The following COG6 variants were observed in gnomAD, a reference collection of about 807,000 sequenced individuals.
The protein encoded by COG6 is conserved oligomeric Golgi complex subunit 6.
A neutral mutation model predicts 88.8 loss-of-function variants in COG6; 74 were observed. The observed-to-expected ratio is 0.83, with a 90% CI of 0.69 to 1.01. The LOEUF (loss-of-function observed/expected upper bound fraction) is 1.01, where lower values mean the gene tolerates loss of function less well. Ranked by LOEUF, COG6 falls within the 50% of genes least tolerant of loss-of-function variation. COG6 has a pLI of 0.00. For missense variants in COG6, 800 were observed against 797.9 expected, an observed-to-expected ratio of 1.00 and a Z score of -0.03; for synonymous variants, 286 against 278.7, an observed-to-expected ratio of 1.03 and a Z score of -0.26.
At chr13:39,672,416 A>G (rs1875705640) in intron 4 of COG6, among the ~76,000 whole-genome samples, 2 of 152,018 alleles carry the variant, frequency 1.3e-5, no homozygotes, top group Admixed American at 6.6e-5. Flanking sequence ...ACTCCTGACC[A>G]TTAGTAGTTA....
chr13:39,727,618 G>GA (rs1192342974), intron 18 of COG6, 70 bp downstream of exon 18: 8 of 1,123,982 alleles, frequency 7.1e-6, no homozygotes, highest in Non-Finnish European at 8.2e-6. Context: ...CATTTTTTTG[G>GA]AAAAAAATTT....
At position 39,660,705 on chromosome 13, in the gene COG6, C is replaced by CA. The variant is rs1294865876; in HGVS notation, c.298-98dup. 7.7e-6 allele frequency: 6 copies of CA among 782,668 alleles called. No homozygotes were observed. In the Admixed American group the frequency reaches 8.3e-5, roughly 11 times the overall value. The allele number at this position is 782,668 out of a possible 1,614,324, so 48.5% of individuals were successfully genotyped here. ...ATGGGATCTCTTGTCATGCCTTGAC[C>CA]AAAAAAATAAAAAATTATGTAACTA... On this transcript the variant is annotated intron_variant, in intron 2 of 18. Coordinates refer to ENST00000455146, the MANE Select transcript of COG6 (RefSeq NM_020751.3).
intron 18 of COG6, among the ~76,000 whole-genome samples, chr13:39,758,093 G>C (rs1483140397): frequency 6.6e-6 from 1 of 151,824 alleles, no homozygotes; most frequent in African/African-American, 2.4e-5. Flanking sequence ...GGTGGCGGAT[G>C]CCTGTAGTCC....
chr13:39,725,093 A>G (rs902187227), intron 17 of COG6, among the ~76,000 whole-genome samples: 5 of 151,804 alleles, frequency 3.3e-5, no homozygotes, highest in Non-Finnish European at 7.4e-5. Context: ...TGTGTCTTAA[A>G]TACATATACT....
At chr13:39,711,413 T>C (rs1397308421) in intron 13 of COG6, among the ~76,000 whole-genome samples, 1 of 152,166 alleles carries the variant, frequency 6.6e-6, no homozygotes, top group Admixed American at 6.5e-5. Flanking sequence ...CAAGTAAAAA[T>C]ATCACCTATG....
chr13:39,762,963 T>C (rs995826070), intron 18 of COG6, among the ~76,000 whole-genome samples: 1 of 151,852 alleles, frequency 6.6e-6, no homozygotes, highest in African/African-American at 2.4e-5. Flanking sequence ...GAGGAAGTTA[T>C]TTTGTATTCT....
At chr13:39,659,098 T>C (rs1874720621) in intron 1 of COG6, among the ~76,000 whole-genome samples, 2 of 152,166 alleles carry the variant, frequency 1.3e-5, no homozygotes, top group Admixed American at 1.3e-4. Context: ...CCCTTTTAGA[T>C]GGACATTTAT....
intron 4 of COG6, among the ~76,000 whole-genome samples, chr13:39,670,625 A>G (rs937267698): frequency 6.6e-6 from 1 of 152,060 alleles, no homozygotes; most frequent in African/African-American, 2.4e-5. Context: ...AAGACACTGC[A>G]TGGCATACAT....
downstream of COG6, among the ~76,000 whole-genome samples, chr13:39,754,862 A>T (rs528080027): frequency 9.8e-5 from 15 of 152,338 alleles, 1 homozygote; most frequent in South Asian, 3.1e-3. Flanking sequence ...GCAAGAAGAA[A>T]AAATGAACTA....
chr13:39,762,761 G>GTTT (rs199547975), intron 18 of COG6, among the ~76,000 whole-genome samples: 3 of 139,184 alleles, frequency 2.2e-5, no homozygotes, highest in South Asian at 2.3e-4. Context: ...CAAAATAAGA[G>GTTT]TTTTTTTTTT....
intron 18 of COG6, among the ~76,000 whole-genome samples, chr13:39,771,653 T>C (rs748654211): frequency 2.0e-5 from 3 of 152,248 alleles, no homozygotes; most frequent in Non-Finnish European, 4.4e-5. Context: ...AGGAAGATAA[T>C]ACAAATATAT....
chr13:39,778,555 C>T (rs1374782055), intron 18 of COG6, among the ~76,000 whole-genome samples: 3 of 152,066 alleles, frequency 2.0e-5, no homozygotes, highest in Non-Finnish European at 2.9e-5. Flanking sequence ...TGCCTTCAGA[C>T]CCCCCTGGAT....
intron 8 of COG6, among the ~76,000 whole-genome samples, chr13:39,686,804 A>G (rs1876670009): frequency 6.6e-6 from 1 of 152,150 alleles, no homozygotes; most frequent in South Asian, 2.1e-4. Flanking sequence ...GTCACTGCTA[A>G]CTGCAGCCTG....
chr13:39,770,640 TG>T (rs1881294081), intron 18 of COG6, among the ~76,000 whole-genome samples: 1 of 152,224 alleles, frequency 6.6e-6, no homozygotes, highest in African/African-American at 2.4e-5. Context: ...TTAATCCATT[TG>T]ATTAAAAAGA....
At chr13:39,672,103 CTTT>C (rs1875682638) in intron 4 of COG6, among the ~76,000 whole-genome samples, 1 of 151,892 alleles carries the variant, frequency 6.6e-6, no homozygotes, top group African/African-American at 2.4e-5. Flanking sequence ...GAGACTCTTA[CTTT>C]ATAAGAGTAA....
At chr13:39,736,721 C>T (rs1879768329) in intron 18 of COG6, among the ~76,000 whole-genome samples, 1 of 152,112 alleles carries the variant, frequency 6.6e-6, no homozygotes, top group Admixed American at 6.6e-5. Context: ...TTCTGAATTT[C>T]TTCTTTGTGT....
At chr13:39,721,243 G>C (rs114651078) in intron 15 of COG6, among the ~76,000 whole-genome samples, 3 of 151,892 alleles carry the variant, frequency 2.0e-5, no homozygotes, top group Non-Finnish European at 4.4e-5. Context: ...TTTTACGCAT[G>C]GTAAAAATTC....
intron 13 of COG6, among the ~76,000 whole-genome samples, chr13:39,714,611 G>GAA (rs200122953): frequency 2.7e-5 from 4 of 146,226 alleles, no homozygotes; most frequent in African/African-American, 1.0e-4. Flanking sequence ...ATTAAAAAGT[G>GAA]AAAAAAAAAA....
intron 18 of COG6, among the ~76,000 whole-genome samples, chr13:39,729,516 A>ATAT (rs1879321658): frequency 6.6e-6 from 1 of 152,236 alleles, no homozygotes; most frequent in Non-Finnish European, 1.5e-5. Context: ...TATTCTTAAT[A>ATAT]TATTATCCTT....
Sources: allele counts gnomAD v4.1 joint callset (sites outside exome capture counted in the v4.1 genomes callset), GRCh38; gene constraint gnomAD v4.1.1; transcripts MANE v1.5; gene names NCBI Gene and HGNC (gene_info 2026-07-23, HGNC 2026-07-21).